Variants in FGF12 observed in about 807,000 individuals in gnomAD.
FGF12 encodes the protein fibroblast growth factor 12B.
A neutral mutation model predicts 23.6 loss-of-function variants in FGF12; 14 were observed. The observed-to-expected ratio is 0.59, with a 90% CI of 0.39 to 0.93. The LOEUF (loss-of-function observed/expected upper bound fraction) is 0.93, where lower values mean the gene tolerates loss of function less well. Among genes scored for constraint, FGF12 ranks in the 40% least tolerant of loss-of-function variants. FGF12 has a pLI of 0.00. For synonymous variants in FGF12, 62 were observed against 77.3 expected, an observed-to-expected ratio of 0.80 and a Z score of 1.04; for missense variants, 175 against 217.8, an observed-to-expected ratio of 0.80 and a Z score of 1.24.
chr3:192,434,615 T>C (rs1424053026), intron 2 of FGF12, among the ~76,000 whole-genome samples: 1 of 152,186 alleles, frequency 6.6e-6, no homozygotes, highest in Admixed American at 6.5e-5. Flanking sequence ...TCAATCTTCA[T>C]ATGGAGTTGA....
chr3:192,466,579 C>T (rs920855076), intron 2 of FGF12, among the ~76,000 whole-genome samples: 2 of 152,176 alleles, frequency 1.3e-5, no homozygotes, highest in Non-Finnish European at 2.9e-5. Flanking sequence ...TTCTTTGTCT[C>T]ATCTCAATTT....
At chr3:192,707,334 T>C (rs927285880) in intron 2 of FGF12, among the ~76,000 whole-genome samples, 1 of 152,168 alleles carries the variant, frequency 6.6e-6, no homozygotes, top group African/African-American at 2.4e-5. Context: ...GCTGGCTTCA[T>C]GGGAGCTGAC....
rs1577165196 is a variant in FGF12 at position 192,141,156 on chromosome 3, C to CAAAAAAAAAA, written c.*2852_*2853insTTTTTTTTTT. ...AAAAAAAAAAAAAAAAAAAAAAAAG[C>CAAAAAAAAAA]TTATTTTACTTAAAAAGGAAAAGTG... is the stretch of plus-strand genomic sequence containing the variant. On this transcript the variant is annotated 3_prime_UTR_variant, in exon 6 of 6. Coordinates refer to ENST00000445105, the MANE Select transcript of FGF12 (RefSeq NM_004113.6). 7 of 48,846 alleles carry CAAAAAAAAAA rather than the reference C, an allele frequency of 1.4e-4. No individual in the cohort carries two copies. Among genetic ancestry groups the CAAAAAAAAAA allele is most frequent in the African/African-American group, 4.2e-4 (5 of 11,826 alleles). 3.0% of individuals were successfully genotyped at this position (48,846 alleles called of 1,614,324 possible).
chr3:192,171,291 T>C (rs1715545081), intron 4 of FGF12, among the ~76,000 whole-genome samples: 1 of 152,216 alleles, frequency 6.6e-6, no homozygotes, highest in African/African-American at 2.4e-5. Flanking sequence ...CCTATTACTA[T>C]TGACCTCAGT....
At chr3:192,617,502 C>T (rs1346266867) in intron 2 of FGF12, among the ~76,000 whole-genome samples, 2 of 152,108 alleles carry the variant, frequency 1.3e-5, no homozygotes, top group African/African-American at 4.8e-5. Flanking sequence ...GTTTGGAAAT[C>T]AGCCAGAAGC....
intron 2 of FGF12, among the ~76,000 whole-genome samples, chr3:192,499,196 G>A (rs1363891419): frequency 6.6e-6 from 1 of 151,902 alleles, no homozygotes; most frequent in Non-Finnish European, 1.5e-5. Context: ...ACTTCACAAT[G>A]CTTTGATGGA....
chr3:192,484,382 TATAAAC>T (rs1016614761), intron 2 of FGF12, among the ~76,000 whole-genome samples: 14 of 148,850 alleles, frequency 9.4e-5, no homozygotes, highest in African/African-American at 3.5e-4. Context: ...TAGAACCTGA[TATAAAC>T]ATAGACTCTG....
chr3:192,473,493 A>G (rs1051889544), intron 2 of FGF12, among the ~76,000 whole-genome samples: 1 of 152,200 alleles, frequency 6.6e-6, no homozygotes, highest in Non-Finnish European at 1.5e-5. Flanking sequence ...CACTCTATCT[A>G]ATTTCTATCT....
At chr3:192,547,311 T>C (rs976143651) in intron 2 of FGF12, among the ~76,000 whole-genome samples, 1 of 152,214 alleles carries the variant, frequency 6.6e-6, no homozygotes, top group African/African-American at 2.4e-5. Context: ...ATGTTTTTTA[T>C]AAGTAGTCTC....
intron 2 of FGF12, among the ~76,000 whole-genome samples, chr3:192,515,871 T>C (rs1724653404): frequency 6.6e-6 from 1 of 150,386 alleles, no homozygotes; most frequent in Admixed American, 6.6e-5. Context: ...ACAATGCCCT[T>C]TTGGAAGTGC....
chr3:192,163,832 T>A (rs867125296), intron 5 of FGF12, among the ~76,000 whole-genome samples: 1 of 145,386 alleles, frequency 6.9e-6, no homozygotes, highest in Non-Finnish European at 1.5e-5. Flanking sequence ...TGTGTGAGTG[T>A]GTGTGTGTGT....
intron 5 of FGF12, among the ~76,000 whole-genome samples, chr3:192,152,563 C>T (rs1438351114): frequency 3.4e-5 from 5 of 145,566 alleles, no homozygotes; most frequent in South Asian, 4.6e-4. Context: ...GCCTTCATTT[C>T]GTTATGTACC....
chr3:192,562,503 A>C (rs1712086138), intron 2 of FGF12, among the ~76,000 whole-genome samples: 1 of 152,210 alleles, frequency 6.6e-6, no homozygotes. Flanking sequence ...AATTTGATTG[A>C]AATAAAAAAC....
intron 2 of FGF12, among the ~76,000 whole-genome samples, chr3:192,478,771 T>C (rs907115875): frequency 2.0e-5 from 3 of 152,328 alleles, no homozygotes; most frequent in African/African-American, 7.2e-5. Context: ...AGTATTTAAT[T>C]GGTCTTCAGA....
intron 2 of FGF12, among the ~76,000 whole-genome samples, chr3:192,590,365 C>G (rs1288205562): frequency 6.6e-6 from 1 of 151,910 alleles, no homozygotes; most frequent in East Asian, 1.9e-4. Flanking sequence ...AGAAAACATA[C>G]ATAGTTCTCA....
At chr3:192,364,387 T>C (rs1310945634) in intron 2 of FGF12, among the ~76,000 whole-genome samples, 1 of 152,202 alleles carries the variant, frequency 6.6e-6, no homozygotes, top group African/African-American at 2.4e-5. Context: ...TATTATTAGA[T>C]GGTAGGGGAG....
At chr3:192,213,905 C>A (rs1718059628) in intron 4 of FGF12, among the ~76,000 whole-genome samples, 1 of 152,202 alleles carries the variant, frequency 6.6e-6, no homozygotes, top group Non-Finnish European at 1.5e-5. Context: ...GGGCATTTGA[C>A]TGTGAGTGAG....
At chr3:192,226,712 T>C (rs920239235) in intron 4 of FGF12, among the ~76,000 whole-genome samples, 1 of 152,074 alleles carries the variant, frequency 6.6e-6, no homozygotes, top group Admixed American at 6.6e-5. Context: ...AGAGATCTAA[T>C]GTACAACATG....
chr3:192,614,681 T>C (rs1714682124), intron 2 of FGF12, among the ~76,000 whole-genome samples: 1 of 152,036 alleles, frequency 6.6e-6, no homozygotes. Flanking sequence ...GAAACATTTC[T>C]GAAGGTGTTA....
Sources: allele counts gnomAD v4.1 joint callset (sites outside exome capture counted in the v4.1 genomes callset), GRCh38; gene constraint gnomAD v4.1.1; transcripts MANE v1.5; gene names NCBI Gene and HGNC (gene_info 2026-07-23, HGNC 2026-07-21).